ROBO2: variants seen among roughly 807,000 people sequenced by gnomAD.
The protein encoded by ROBO2 is roundabout guidance receptor 2, also known as roundabout homolog 2.
ROBO2 carries 53 observed loss-of-function variants against 160.8 expected under a neutral mutation model. The observed-to-expected ratio is 0.33, with a 90% CI of 0.26 to 0.41. The LOEUF (loss-of-function observed/expected upper bound fraction) is 0.41, where lower values mean the gene tolerates loss of function less well. ROBO2 is among the 10% of genes least tolerant of loss of function. The pLI is 1.00. For missense variants in ROBO2, 1,577 were observed against 1,722.4 expected (o/e 0.92, Z 1.49); for synonymous variants, 664 against 611.7 (o/e 1.09, Z -1.26).
intron 2 of ROBO2, among the ~76,000 whole-genome samples, chr3:77,262,906 C>A (rs1161737138): frequency 6.6e-6 from 1 of 152,052 alleles, no homozygotes; most frequent in East Asian, 1.9e-4. Context: ...TGACAGCTAA[C>A]CTTTATTGAG....
At chr3:76,686,258 T>A (rs2092683916) in intron 2 of ROBO2, among the ~76,000 whole-genome samples, 1 of 152,110 alleles carries the variant, frequency 6.6e-6, no homozygotes, top group African/African-American at 2.4e-5. Flanking sequence ...TAGTGTGTAC[T>A]TTTCCCATAA....
chr3:76,400,874 C>A lies in ROBO2; in HGVS notation c.109+463272C>A, dbSNP rs537000387. 3.3e-5 allele frequency among the ~76,000 whole-genome samples: 5 copies of A among 151,534 alleles called. No homozygotes were observed. In the South Asian group the frequency reaches 1.0e-3, roughly 31 times the overall value. ...ATATGAGTTATACAAAATAGATCCA[C>A]AAGAAAGTTTCAACTCTTGTTTTGC... On this transcript the variant is annotated intron_variant, in intron 2 of 26. Transcript: ENST00000487694.
At chr3:76,949,600 T>G (rs1223658237) in intron 2 of ROBO2, among the ~76,000 whole-genome samples, 1 of 152,158 alleles carries the variant, frequency 6.6e-6, no homozygotes, top group Non-Finnish European at 1.5e-5. Flanking sequence ...CTCCCCTATT[T>G]CCCGTGTCCA....
At chr3:76,400,718 TG>T (rs1395176790) in intron 2 of ROBO2, among the ~76,000 whole-genome samples, 1 of 151,602 alleles carries the variant, frequency 6.6e-6, no homozygotes, top group Non-Finnish European at 1.5e-5. Context: ...TTATAAAACT[TG>T]CTCATTCAAT....
At chr3:76,398,367 C>T (rs960743807) in intron 2 of ROBO2, among the ~76,000 whole-genome samples, 1 of 151,530 alleles carries the variant, frequency 6.6e-6, no homozygotes, top group Non-Finnish European at 1.5e-5. Flanking sequence ...GGAGATATAC[C>T]TAATGCTAAA....
intron 2 of ROBO2, among the ~76,000 whole-genome samples, chr3:77,164,568 C>A (rs1491002608): frequency 7.1e-6 from 1 of 141,714 alleles, no homozygotes; most frequent in Admixed American, 6.9e-5. Context: ...CCAGCCGCCC[C>A]GTCCGGGAGG....
intron 2 of ROBO2, among the ~76,000 whole-genome samples, chr3:77,407,398 C>T (rs2076340986): frequency 6.6e-6 from 1 of 151,922 alleles, no homozygotes; most frequent in Non-Finnish European, 1.5e-5. Context: ...TTCCAATTTA[C>T]TGACACATTG....
chr3:77,348,046 CT>C (rs982768785), intron 2 of ROBO2, among the ~76,000 whole-genome samples: 4 of 151,988 alleles, frequency 2.6e-5, no homozygotes, highest in African/African-American at 7.2e-5. Flanking sequence ...TTTTATACAC[CT>C]TTTTTTCCTC....
At chr3:76,405,327 G>A (rs901720679) in intron 2 of ROBO2, among the ~76,000 whole-genome samples, 3 of 150,920 alleles carry the variant, frequency 2.0e-5, no homozygotes, top group Admixed American at 6.6e-5. Context: ...TGGAGATGAA[G>A]TCAGAGAGAA....
intron 2 of ROBO2, among the ~76,000 whole-genome samples, chr3:76,663,681 C>G (rs2091912869): frequency 6.6e-6 from 1 of 152,062 alleles, no homozygotes; most frequent in Non-Finnish European, 1.5e-5. Context: ...AGGCCAGACT[C>G]CAAGTGGAAG....
chr3:77,331,850 C>A (rs1436132127), intron 2 of ROBO2, among the ~76,000 whole-genome samples: 1 of 152,094 alleles, frequency 6.6e-6, no homozygotes, highest in Non-Finnish European at 1.5e-5. Flanking sequence ...GGATTACAGG[C>A]ACGTGCCACC....
At chr3:76,163,415 G>GAAT (rs1196383964) in intron 2 of ROBO2, among the ~76,000 whole-genome samples, 6 of 150,748 alleles carry the variant, frequency 4.0e-5, no homozygotes, top group Non-Finnish European at 8.9e-5. Context: ...TTATAACGTG[G>GAAT]TATTGAAATT....
chr3:76,702,689 A>G (rs1018637971), intron 2 of ROBO2, among the ~76,000 whole-genome samples: 3 of 152,204 alleles, frequency 2.0e-5, no homozygotes, highest in Middle Eastern at 3.4e-3. Context: ...ATAATAATAA[A>G]GATTTGAATC....
chr3:76,583,396 T>G (rs1055723108), intron 2 of ROBO2, among the ~76,000 whole-genome samples: 3 of 152,184 alleles, frequency 2.0e-5, no homozygotes, highest in Non-Finnish European at 4.4e-5. Context: ...AATAGACATA[T>G]TCACACACAC....
chr3:76,795,812 T>A (rs1196414383), intron 2 of ROBO2, among the ~76,000 whole-genome samples: 1 of 152,100 alleles, frequency 6.6e-6, no homozygotes, highest in Non-Finnish European at 1.5e-5. Flanking sequence ...AAGTACTTTG[T>A]CCAGATACAT....
At chr3:76,324,916 C>T (rs1459380375) in intron 2 of ROBO2, among the ~76,000 whole-genome samples, 3 of 152,166 alleles carry the variant, frequency 2.0e-5, no homozygotes, top group Non-Finnish European at 2.9e-5. Flanking sequence ...ACCATCCTGG[C>T]TAACACGGTG....
At chr3:77,484,576 CTAAT>C (rs1339348805) in intron 4 of ROBO2, among the ~76,000 whole-genome samples, 1 of 150,970 alleles carries the variant, frequency 6.6e-6, no homozygotes, top group Non-Finnish European at 1.5e-5. Context: ...TCTGTTTTAT[CTAAT>C]TATTCTGGGA....
In ROBO2 at chr3:77,617,498, C is replaced by G. The variant is rs1462915804; in HGVS notation, c.3294-15C>G. 2 of 1,613,988 alleles carry G rather than the reference C, an allele frequency of 1.2e-6. No individual in the cohort carries two copies. The highest frequency in any genetic ancestry group is 1.7e-6 in the Non-Finnish European group (2 of 1,179,960). ...TATTTGTGTCAATGTGCATATTTTT[C>G]TCATTTAATTTCAGCTATGACAGTG... On this transcript the variant is annotated splice_polypyrimidine_tract_variant and intron_variant, in intron 21 of 25. Transcript: ENST00000461745.
intron 2 of ROBO2, among the ~76,000 whole-genome samples, chr3:76,119,323 A>G (rs1168389282): frequency 1.3e-5 from 2 of 151,920 alleles, no homozygotes; most frequent in Non-Finnish European, 2.9e-5. Context: ...AAACAGTAGA[A>G]CATTATGTTC....
Sources: gnomAD v4.1 joint callset for allele counts (sites outside exome capture counted in the v4.1 genomes callset) on GRCh38, gnomAD v4.1.1 for gene constraint, MANE v1.5 for transcripts, NCBI Gene and HGNC (gene_info 2026-07-23, HGNC 2026-07-21) for gene names.